Variants in BAZ2A observed in about 807,000 individuals in gnomAD.
BAZ2A encodes the protein bromodomain adjacent to zinc finger domain 2A, also known as bromodomain adjacent to zinc finger domain protein 2A.
In BAZ2A, 34 loss-of-function variants were observed where a neutral mutation model predicts 199.9. The ratio of observed to expected loss-of-function variants is 0.17; its 90% CI spans 0.13 to 0.23. BAZ2A has a LOEUF of 0.23. Among genes scored for constraint, BAZ2A ranks in the 10% least tolerant of loss-of-function variants. The probability of loss-of-function intolerance (pLI) is 1.00; values close to 1 mark genes in which losing one functional copy is unlikely to be tolerated. For synonymous variants in BAZ2A, 857 were observed against 883.9 expected, an observed-to-expected ratio of 0.97 and a Z score of 0.54; for missense variants, 2,002 against 2,391.1, an observed-to-expected ratio of 0.84 and a Z score of 3.39.
rs1491389164 is a variant in BAZ2A at position 56,605,341 on chromosome 12, AGT to A, written c.2494-16_2494-15del. ...GTCAGGCAGGGGCTAGAGAGAGAAA[AGT>A]GAGTAGAGAGTTCTGTTAAACATAA... On this transcript the variant is annotated splice_polypyrimidine_tract_variant and intron_variant, in intron 13 of 28. Coordinates refer to ENST00000549884, the MANE Select transcript of BAZ2A (RefSeq NM_001300905.2). The A allele has an allele frequency of 1.3e-6, 2 of 1,596,482 alleles. No individual in the cohort carries two copies. Among genetic ancestry groups the A allele is most frequent in the Non-Finnish European group, 1.7e-6 (2 of 1,167,412 alleles).
At chr12:56,626,384 G>C (rs1478958642) in intron 1 of BAZ2A, among the ~76,000 whole-genome samples, 1 of 152,178 alleles carries the variant, frequency 6.6e-6, no homozygotes, top group African/African-American at 2.4e-5. Flanking sequence ...ATAGCAGTTT[G>C]GTGCTTGACC....
At position 56,595,596 on chromosome 12, in the gene BAZ2A, G is replaced by C. The variant is rs1885704763; in HGVS notation, c.*3022C>G. The stretch of plus-strand genomic sequence containing the variant: ...TTTTTTTTTTAAATAAAACACAAAA[G>C]TCTACGTCTTGGTGTCTTATCCGTG... On this transcript the variant is annotated 3_prime_UTR_variant, in exon 29 of 29. Transcript: ENST00000549884. 1 of 150,806 alleles carries C rather than the reference G, an allele frequency of 6.6e-6. No homozygotes were observed. Among genetic ancestry groups the C allele is most frequent in the Admixed American group, 6.6e-5 (1 of 15,146 alleles). 9.3% of individuals were successfully genotyped at this position (150,806 alleles called of 1,614,324 possible). A position where few individuals can be genotyped will look rare whatever the true frequency, so the allele number is the denominator to read the frequency against.
intron 4 of BAZ2A, 34 bp from the exon 5 acceptor site, chr12:56,613,267 A>G: frequency 6.3e-7 from 1 of 1,594,510 alleles, no homozygotes; most frequent in Admixed American, 1.7e-5. Context: ...AGAGCAGGAT[A>G]ATGAGAAAAA....
Position 56,602,013 on chromosome 12 carries a change from G to C in BAZ2A, c.3604C>G (p.His1202Asp). The stretch of plus-strand genomic sequence containing the variant: ...TGACCCCTGACAGGGGACTTAAGAT[G>C]CCTAGGTTGCATAGACCCGGGCTTA... ...KTKPGSMQPR[H>D]LKSPVRGQDS... Residue 1202 changes from histidine (H) to aspartate (D), a missense_variant, in exon 20 of 29, where the codon CAT (histidine) becomes GAT (aspartate). Physicochemically the swap from His to Asp is moderately conservative, Grantham distance 81 (BLOSUM62 -1). Transcript: ENST00000549884. 6.4e-7 allele frequency: 1 copy of C among 1,554,616 alleles called. No individual in the cohort carries two copies. Among genetic ancestry groups the C allele is most frequent in the Non-Finnish European group, 8.7e-7 (1 of 1,148,452 alleles).
chr12:56,600,681 C>T lies in BAZ2A; in HGVS notation c.4602G>A (p.Arg1534=), dbSNP rs761570607. ...CTACACAGTGCCAATCCCAGCATAC[C>T]CGAATCTGCAGATCAGACATGATAA... ...QRVIMSDLQI[R]GWTCPSPDST... is the part of the protein sequence containing the mutation. The change falls in exon 23 of 29, where the codon CGG becomes CGA. Residue 1534 remains arginine, a splice_region_variant and synonymous_variant. Transcript: ENST00000549884. 4 of 1,612,374 alleles carry T rather than the reference C, an allele frequency of 2.5e-6. No homozygotes were observed. Among genetic ancestry groups the T allele is most frequent in the Non-Finnish European group, 2.5e-6 (3 of 1,179,434 alleles).
At chr12:56,637,503 TTTTA>T (rs1463315875), upstream of BAZ2A, among the ~76,000 whole-genome samples, 5 of 152,186 alleles carry the variant, frequency 3.3e-5, no homozygotes, top group African/African-American at 4.8e-5. Context: ...CACAAGCAAC[TTTTA>T]TTTAGGCTTG....
chr12:56,599,378 G>A lies in BAZ2A; in HGVS notation c.5173-20C>T. The A allele has an allele frequency of 6.2e-7, 1 of 1,603,772 alleles. No homozygotes were observed. Among genetic ancestry groups the A allele is most frequent in the Non-Finnish European group, 8.5e-7 (1 of 1,175,898 alleles). ...CACCTGCTTAGTATAGGAAACAGGT[G>A]AGATTAGCAACAGCTGGAGATGCAC... On this transcript the variant is annotated intron_variant, in intron 26 of 28. Coordinates refer to ENST00000549884, the MANE Select transcript of BAZ2A (RefSeq NM_001300905.2).
chr12:56,597,917 G>A lies in BAZ2A; in HGVS notation c.*701C>T, dbSNP rs1325007135. 4 of 152,634 alleles carry A rather than the reference G, an allele frequency of 2.6e-5. No homozygotes were observed. Among genetic ancestry groups the A allele is most frequent in the African/African-American group, 4.8e-5 (2 of 41,450 alleles). The allele number at this position is 152,634 out of a possible 1,614,324, so 9.5% of individuals were successfully genotyped here. On this transcript the variant is annotated 3_prime_UTR_variant, in exon 29 of 29. Coordinates refer to ENST00000549884, the MANE Select transcript of BAZ2A (RefSeq NM_001300905.2). Reference sequence around the variant, plus strand: ...GGGGATAGCTATCGGCAGGAAGATGGGGACAGAAGACAGGGACCTCTGAAC... The same window carrying A: ...GGGGATAGCTATCGGCAGGAAGATGAGGACAGAAGACAGGGACCTCTGAAC...
Position 56,600,060 on chromosome 12 carries a change from G to A in BAZ2A, c.4929C>T (p.Arg1643=), listed in dbSNP as rs750581483. Residue 1643 remains arginine (R), a synonymous_variant, in exon 25 of 29, where the codon CGC becomes CGT. Coordinates refer to ENST00000549884, the MANE Select transcript of BAZ2A (RefSeq NM_001300905.2). ...CGCTCCGGCACCGCTCGAGGGTCTGGCGCCAGACACGAATGCGAGGGGTGA... is the reference window on the plus strand; with the variant it reads ...CGCTCCGGCACCGCTCGAGGGTCTGACGCCAGACACGAATGCGAGGGGTGA... ...YEITPRIRVW[R]QTLERCRSAA... 6.2e-6 allele frequency: 10 copies of A among 1,614,080 alleles called. No individual in the cohort carries two copies. The South Asian group carries it at 1.1e-4, about 18-fold the overall frequency.
chr12:56,623,160 C>T (rs1027468313), intron 1 of BAZ2A, among the ~76,000 whole-genome samples: 10 of 151,438 alleles, frequency 6.6e-5, no homozygotes, highest in East Asian at 5.8e-4. Flanking sequence ...GGCGTGAACC[C>T]GGGAGGTGGA....
Position 56,601,221 on chromosome 12 carries a change from T to C in BAZ2A, c.4253A>G (p.Gln1418Arg). ...PPSKFFKQME[Q>R]RYLTQLTAQP... Reference sequence around the variant, plus strand: ...GGCTGTCAGCTGGGTTAGGTAACGCTGTTCCATCTGTTTGAAGAACTTACT... The same window carrying C: ...GGCTGTCAGCTGGGTTAGGTAACGCCGTTCCATCTGTTTGAAGAACTTACT... Residue 1418 changes from glutamine to arginine, a missense_variant, in exon 21 of 29, where the codon CAG (glutamine) becomes CGG (arginine). Around this residue, in one of 6 missense-constraint regions of BAZ2A, gnomAD observed 1,081 missense variants for 1,274.7 expected, o/e 0.85. Coordinates refer to ENST00000549884, the MANE Select transcript of BAZ2A (RefSeq NM_001300905.2). 1.9e-6 allele frequency: 3 copies of C among 1,614,070 alleles called. 1 individual carries two copies. Among genetic ancestry groups the C allele is most frequent in the South Asian group, 1.1e-5 (1 of 91,092 alleles).
chr12:56,626,252 GT>G (rs572737232), intron 1 of BAZ2A, among the ~76,000 whole-genome samples: 185 of 152,234 alleles, frequency 1.2e-3, no homozygotes, highest in Non-Finnish European at 2.9e-4. Flanking sequence ...AACCAAGAAG[GT>G]TATTTACCCC....
At chr12:56,638,303 G>A (rs1049022831), upstream of BAZ2A, 2 of 1,603,978 alleles carry the variant, frequency 1.2e-6, no homozygotes, top group Non-Finnish European at 1.7e-6. Context: ...GAGAGAGACA[G>A]TACAGAGGAC....
At chr12:56,629,423 A>G (rs1044672315) in intron 1 of BAZ2A, among the ~76,000 whole-genome samples, 5 of 152,152 alleles carry the variant, frequency 3.3e-5, no homozygotes, top group African/African-American at 1.2e-4. Context: ...ATCTCCTTGG[A>G]AAAAGGAATT....
chr12:56,612,055 C>T lies in BAZ2A; in HGVS notation c.1327G>A (p.Ala443Thr). The change falls in exon 6 of 29, where the codon GCC becomes ACC. Residue 443 changes from alanine to threonine, a missense_variant. Around this residue, in one of 6 missense-constraint regions of BAZ2A, gnomAD observed 641 missense variants for 694.5 expected, o/e 0.92. Coordinates refer to ENST00000549884, the MANE Select transcript of BAZ2A (RefSeq NM_001300905.2). Reference sequence around the variant, plus strand: ...ACTTCTGGAGAGATTTCTGGGGAGGCTGCTGGAGAAACCACTAGGGAGACT... The same window carrying T: ...ACTTCTGGAGAGATTTCTGGGGAGGTTGCTGGAGAAACCACTAGGGAGACT... ...PAVSLVVSPA[A>T]SPEISPEVCP... 6.2e-7 allele frequency: 1 copy of T among 1,613,628 alleles called. No individual in the cohort carries two copies.
chr12:56,638,021 C>T (rs1323158504), upstream of BAZ2A, among the ~76,000 whole-genome samples: 1 of 152,148 alleles, frequency 6.6e-6, no homozygotes, highest in Non-Finnish European at 1.5e-5. Context: ...ACCTGTAGCC[C>T]CAGCTACTCA....
chr12:56,636,630 C>T (rs983570006), upstream of BAZ2A: 1 of 176,730 alleles, frequency 5.7e-6, no homozygotes, highest in Non-Finnish European at 1.2e-5. Flanking sequence ...TGCAAAAGAC[C>T]TTTAGGATTT....
upstream of BAZ2A, among the ~76,000 whole-genome samples, chr12:56,634,364 T>C (rs746726065): frequency 6.6e-6 from 1 of 151,958 alleles, no homozygotes; most frequent in Non-Finnish European, 1.5e-5. Context: ...CGACCAACCC[T>C]AGGCCCAGGA....
chr12:56,636,360 A>C (rs1398954469), exon 1 of BAZ2A: 15 of 1,068,318 alleles, frequency 1.4e-5, no homozygotes, highest in Non-Finnish European at 1.7e-5. Context: ...CTGTAGGGTG[A>C]TGTCCCTGTG....
Sources: gnomAD v4.1 joint callset for allele counts (sites outside exome capture counted in the v4.1 genomes callset) on GRCh38, gnomAD v4.1.1 for gene constraint, gnomAD v4.1.1 regional missense constraint, MANE v1.5 for transcripts, NCBI Gene and HGNC (gene_info 2026-07-23, HGNC 2026-07-21) for gene names.